Variants in NR3C2 observed in about 807,000 individuals in gnomAD.
NR3C2 encodes the protein mineralocorticoid receptor.
NR3C2 carries 15 observed loss-of-function variants against 86.4 expected under a neutral mutation model. The ratio of observed to expected loss-of-function variants is 0.17; its 90% CI spans 0.12 to 0.27. The LOEUF (loss-of-function observed/expected upper bound fraction) is 0.27, where lower values mean the gene tolerates loss of function less well. Among genes scored for constraint, NR3C2 ranks in the 10% least tolerant of loss-of-function variants. The pLI is 1.00. For synonymous variants in NR3C2, 458 were observed against 450.5 expected, an observed-to-expected ratio of 1.02 and a Z score of -0.21; for missense variants, 960 against 1,195.6, an observed-to-expected ratio of 0.80 and a Z score of 2.91.
intron 2 of NR3C2, among the ~76,000 whole-genome samples, chr4:148,301,617 T>C (rs1341384584): frequency 6.6e-6 from 1 of 152,232 alleles, no homozygotes; most frequent in African/African-American, 2.4e-5. Flanking sequence ...TTTAGCAAAA[T>C]TGTTAAAGTG....
chr4:148,096,464 A>G (rs1460611308), intron 8 of NR3C2, among the ~76,000 whole-genome samples: 4 of 152,148 alleles, frequency 2.6e-5, no homozygotes, highest in African/African-American at 9.7e-5. Flanking sequence ...ATCTCCCCAA[A>G]AAAGGAACAC....
At chr4:148,219,064 T>G (rs1737696744) in intron 3 of NR3C2, among the ~76,000 whole-genome samples, 1 of 152,234 alleles carries the variant, frequency 6.6e-6, no homozygotes, top group Non-Finnish European at 1.5e-5. Context: ...CTACACCATT[T>G]TACATTTCCA....
chr4:148,292,235 T>C (rs1741831228), intron 2 of NR3C2, among the ~76,000 whole-genome samples: 1 of 152,058 alleles, frequency 6.6e-6, no homozygotes, highest in Non-Finnish European at 1.5e-5. Flanking sequence ...GGGTGTAATT[T>C]ATAGCACAGA....
chr4:148,418,234 A>G (rs924876713), intron 2 of NR3C2, among the ~76,000 whole-genome samples: 2 of 152,172 alleles, frequency 1.3e-5, no homozygotes, highest in South Asian at 2.1e-4. Context: ...ATAATAAGCA[A>G]TTCTTACTGA....
At chr4:148,378,762 C>A (rs1038734523) in intron 2 of NR3C2, among the ~76,000 whole-genome samples, 1 of 152,184 alleles carries the variant, frequency 6.6e-6, no homozygotes, top group African/African-American at 2.4e-5. Flanking sequence ...GCCAATTAAA[C>A]CTCTTTTCTT....
At chr4:148,391,343 A>G (rs995895316) in intron 2 of NR3C2, among the ~76,000 whole-genome samples, 1 of 152,252 alleles carries the variant, frequency 6.6e-6, no homozygotes, top group Non-Finnish European at 1.5e-5. Context: ...AAAAAAATCA[A>G]GGTTTTCTTA....
chr4:148,271,891 G>A (rs971931279), intron 2 of NR3C2, among the ~76,000 whole-genome samples: 1 of 152,156 alleles, frequency 6.6e-6, no homozygotes, highest in Non-Finnish European at 1.5e-5. Context: ...TAGCTAACTA[G>A]TACCTCCCTC....
intron 6 of NR3C2, among the ~76,000 whole-genome samples, chr4:148,152,078 G>A (rs980017467): frequency 7.9e-5 from 12 of 152,154 alleles, no homozygotes; most frequent in African/African-American, 4.8e-5. Flanking sequence ...ATATGAGCTC[G>A]TAAAAGCTGG....
At chr4:148,150,050 T>C (rs1408868120) in intron 6 of NR3C2, among the ~76,000 whole-genome samples, 2 of 152,198 alleles carry the variant, frequency 1.3e-5, no homozygotes, top group African/African-American at 4.8e-5. Flanking sequence ...TTCTAGGTAC[T>C]GAAAGAACTG....
chr4:148,320,589 C>A (rs1339650036), intron 2 of NR3C2, among the ~76,000 whole-genome samples: 15 of 149,122 alleles, frequency 1.0e-4, no homozygotes, highest in Non-Finnish European at 2.1e-4. Context: ...TCAACTTCTT[C>A]CTAGTTTAGT....
At chr4:148,259,768 T>C (rs181898742) in intron 3 of NR3C2, among the ~76,000 whole-genome samples, 143 of 152,348 alleles carry the variant, frequency 9.4e-4, no homozygotes, top group African/African-American at 3.3e-3. Context: ...TGGTTGATCC[T>C]TGCTCAGAAT....
chr4:148,135,795 G>A (rs1157732876), intron 6 of NR3C2, among the ~76,000 whole-genome samples: 6 of 151,930 alleles, frequency 3.9e-5, no homozygotes, highest in African/African-American at 1.5e-4. Flanking sequence ...GGTGGCTCAC[G>A]CCTGTAATCC....
At chr4:148,137,038 A>G (rs568113506) in intron 6 of NR3C2, among the ~76,000 whole-genome samples, 36 of 152,384 alleles carry the variant, frequency 2.4e-4, no homozygotes, top group African/African-American at 8.7e-4. Context: ...GTAAAAATAA[A>G]GAGAATTTAT....
chr4:148,380,780 T>G (rs1467802602), intron 2 of NR3C2, among the ~76,000 whole-genome samples: 1 of 152,202 alleles, frequency 6.6e-6, no homozygotes, highest in East Asian at 1.9e-4. Context: ...ATAACAATGA[T>G]GAGTTTTTAA....
At chr4:148,335,502 C>T (rs1393016207) in intron 2 of NR3C2, among the ~76,000 whole-genome samples, 1 of 152,130 alleles carries the variant, frequency 6.6e-6, no homozygotes, top group African/African-American at 2.4e-5. Flanking sequence ...TCAGTCTGGA[C>T]ACAACAGCAG....
At chr4:148,265,059 CAGAA>C (rs1740307096) in intron 2 of NR3C2, among the ~76,000 whole-genome samples, 1 of 152,058 alleles carries the variant, frequency 6.6e-6, no homozygotes, top group African/African-American at 2.4e-5. Context: ...ACATTGTTCA[CAGAA>C]AGAAGTTTAT....
At chr4:148,393,125 A>G (rs939861831) in intron 2 of NR3C2, among the ~76,000 whole-genome samples, 57 of 152,370 alleles carry the variant, frequency 3.7e-4, no homozygotes, top group African/African-American at 1.4e-3. Context: ...CCAGCAATTC[A>G]CAAATTAATT....
chr4:148,363,019 C>A (rs1289953809), intron 2 of NR3C2, among the ~76,000 whole-genome samples: 2 of 152,190 alleles, frequency 1.3e-5, no homozygotes, highest in Non-Finnish European at 2.9e-5. Flanking sequence ...AATCAGAAGA[C>A]CTAGCAGTGA....
At chr4:148,428,677 G>A (rs957158047) in intron 2 of NR3C2, among the ~76,000 whole-genome samples, 5 of 152,100 alleles carry the variant, frequency 3.3e-5, no homozygotes, top group Admixed American at 2.6e-4. Context: ...ACAAAAGATA[G>A]ACGCTTACAT....
Sources: gnomAD v4.1 joint callset for allele counts (sites outside exome capture counted in the v4.1 genomes callset) on GRCh38, gnomAD v4.1.1 for gene constraint, MANE v1.5 for transcripts, NCBI Gene and HGNC (gene_info 2026-07-23, HGNC 2026-07-21) for gene names.